Variants in APOBEC3H observed in about 807,000 individuals in gnomAD.
APOBEC3H encodes the protein DNA dC->dU-editing enzyme APOBEC-3H.
Under a neutral mutation model 21.2 loss-of-function variants are expected in APOBEC3H, and 8 were observed. That is an observed-to-expected ratio of 0.38 (90% CI 0.22 to 0.68). The LOEUF (loss-of-function observed/expected upper bound fraction) is 0.68. Among genes scored for constraint, APOBEC3H ranks in the 30% least tolerant of loss-of-function variants. The pLI is 0.52. For missense variants in APOBEC3H, 229 were observed against 228.1 expected, an observed-to-expected ratio of 1.00 and a Z score of -0.03; for synonymous variants, 88 against 91.0, an observed-to-expected ratio of 0.97 and a Z score of 0.19.
intron 1 of APOBEC3H, among the ~76,000 whole-genome samples, chr22:39,099,788 C>A (rs1200520217): frequency 6.6e-6 from 1 of 152,102 alleles, no homozygotes; most frequent in South Asian, 2.1e-4. Flanking sequence ...TCCTGCCAGC[C>A]CTTCCTTCCC....
At chr22:39,102,434 G>A (rs1030399184) in intron 4 of APOBEC3H, 16 of 713,578 alleles carry the variant, frequency 2.2e-5, no homozygotes, top group Admixed American at 4.0e-5. Context: ...ACAGGTGTGA[G>A]CCACCGTGCC....
At chr22:39,099,376 A>G (rs1192244606) in intron 1 of APOBEC3H, among the ~76,000 whole-genome samples, 1 of 152,220 alleles carries the variant, frequency 6.6e-6, no homozygotes, top group East Asian at 1.9e-4. Context: ...GTGCAGACAA[A>G]CTTGTCAAAC....
At chr22:39,100,166 C>G in intron 1 of APOBEC3H, 106 bp from the exon 2 acceptor site, 3 of 1,262,828 alleles carry the variant, frequency 2.4e-6, no homozygotes, top group South Asian at 2.8e-5. Context: ...GAGCGAGACT[C>G]TGTCTCAAAA....
At chr22:39,102,463 CT>C in intron 4 of APOBEC3H, 1 of 707,042 alleles carries the variant, frequency 1.4e-6, no homozygotes, top group Non-Finnish European at 2.6e-6. Flanking sequence ...CTACCTGTTT[CT>C]TTTTTGTGTT....
intron 2 of APOBEC3H, 70 bp from the exon 3 acceptor site, chr22:39,101,167 C>CCCCCCCCCCCCCCCCCCCCACA: frequency 9.5e-7 from 1 of 1,051,276 alleles, no homozygotes; most frequent in Non-Finnish European, 1.3e-6. Flanking sequence ...TCCCGGCCCC[C>CCCCCCCCCCCCCCCCCCCCACA]GCCCCCAGTC....
intron 3 of APOBEC3H, 56 bp downstream of exon 3, chr22:39,101,560 G>A: frequency 6.7e-7 from 1 of 1,486,698 alleles, no homozygotes; most frequent in Non-Finnish European, 9.0e-7. Flanking sequence ...CACAGGCTTG[G>A]CAGGGGCTGG....
Position 39,101,499 on chromosome 22 carries a change from TC to T in APOBEC3H, c.416del (p.Pro139GlnfsTer25). 6.3e-7 allele frequency: 1 copy of T among 1,583,160 alleles called. No homozygotes were observed. Among genetic ancestry groups the T allele is most frequent in the Non-Finnish European group, 8.6e-7 (1 of 1,165,108 alleles). ...CAGGTCCCGGTGGAGGTCATGGGCTTCCCAGGTAGGAAAGAGGCTTTGCAGT... is the reference window on the plus strand; with the variant it reads ...CAGGTCCCGGTGGAGGTCATGGGCTTCCAGGTAGGAAAGAGGCTTTGCAGT... ...GSQVPVEVMGFPEFADCWENF... is the reference protein window; with the variant it reads ...GSQVPVEVMGXPEFADCWENF... On this transcript the variant is annotated frameshift_variant, in exon 3 of 5. Coordinates refer to ENST00000442487, the MANE Select transcript of APOBEC3H (RefSeq NM_181773.5). LOFTEE classifies it high-confidence loss of function.
Position 39,102,490 on chromosome 22 carries a change from G to A in APOBEC3H, c.543+448G>A, listed in dbSNP as rs1471075500. ...TTTTTGTGTTCTCCTCTCGCACCAGGGGCTCCTTCTTGTTCTTTTAGATTC... is the reference window on the plus strand; with the variant it reads ...TTTTTGTGTTCTCCTCTCGCACCAGAGGCTCCTTCTTGTTCTTTTAGATTC... On this transcript the variant is annotated intron_variant, in intron 4 of 4. Transcript: ENST00000442487. 4.2e-6 allele frequency: 3 copies of A among 717,992 alleles called. No homozygotes were observed. In the Admixed American group the frequency reaches 6.0e-5, roughly 14 times the overall value. The allele number at this position is 717,992 out of a possible 1,614,324, so 44.5% of individuals were successfully genotyped here.
At position 39,103,965 on chromosome 22, in the gene APOBEC3H, A is replaced by T. The variant is rs146568460; in HGVS notation, c.*268A>T. On this transcript the variant is annotated 3_prime_UTR_variant, in exon 5 of 5. Transcript: ENST00000442487. ...AATAATTTTATAATTGAAAAAATAA[A>T]GATAAAGTCTGTAAATCCAGCCGGG... 530 of 546,492 alleles carry T rather than the reference A, an allele frequency of 9.7e-4. 2 individuals are homozygous for T. Among genetic ancestry groups the T allele is most frequent in the African/African-American group, 9.1e-3 (480 of 52,932 alleles). 33.9% of individuals were successfully genotyped at this position (546,492 alleles called of 1,614,324 possible). A position where few individuals can be genotyped will look rare whatever the true frequency, so the allele number is the denominator to read the frequency against.
At chr22:39,103,001 C>A (rs139309) in intron 4 of APOBEC3H, among the ~76,000 whole-genome samples, 4 of 132,856 alleles carry the variant, frequency 3.0e-5, no homozygotes, top group East Asian at 2.5e-4. Flanking sequence ...ATTAACTCAA[C>A]ATGTGCTGAG....
At chr22:39,101,136 G>GACCCCCC in intron 2 of APOBEC3H, 101 bp from the exon 3 acceptor site, 2 of 378,522 alleles carry the variant, frequency 5.3e-6, no homozygotes, top group Non-Finnish European at 9.9e-6. Flanking sequence ...AGACCCCTCT[G>GACCCCCC]CCCCCCCATC....
intron 1 of APOBEC3H, among the ~76,000 whole-genome samples, chr22:39,099,229 G>C (rs538090520): frequency 3.2e-4 from 49 of 152,110 alleles, no homozygotes; most frequent in African/African-American, 1.1e-3. Context: ...CAAAAAAAAA[G>C]CAAAATCCAA....
rs761854928 is a variant in APOBEC3H at position 39,100,440 on chromosome 22, G to T, written c.150+12G>T. 1.2e-6 allele frequency: 2 copies of T among 1,611,550 alleles called. No homozygotes were observed. Among genetic ancestry groups the T allele is most frequent in the Non-Finnish European group, 1.7e-6 (2 of 1,178,452 alleles). Reference sequence around the variant, plus strand: ...ACTTTGAAAACAAGGTGCCACACGGGCTCTCTGGGCACAGGGCCGGCAGGG... The same window carrying T: ...ACTTTGAAAACAAGGTGCCACACGGTCTCTCTGGGCACAGGGCCGGCAGGG... On this transcript the variant is annotated intron_variant, in intron 2 of 4. Coordinates refer to ENST00000442487, the MANE Select transcript of APOBEC3H (RefSeq NM_181773.5).
At position 39,100,343 on chromosome 22, in the gene APOBEC3H, C is replaced by A. The variant is rs1456136252; in HGVS notation, c.65C>A (p.Pro22His). ...QFNNKRRLRR[P>H]YYPRKALLCY... ...AACAACAAGCGCCGCCTCAGAAGGC[C>A]TTACTACCCGAGGAAGGCCCTCTTG... Residue 22 changes from proline (P) to histidine (H), a missense_variant, in exon 2 of 5, where the codon CCT becomes CAT. Physicochemically the swap from Pro to His is moderately conservative, Grantham distance 77. Coordinates refer to ENST00000442487, the MANE Select transcript of APOBEC3H (RefSeq NM_181773.5). 2 of 1,614,074 alleles carry A rather than the reference C, an allele frequency of 1.2e-6. No homozygotes were observed. Among genetic ancestry groups the A allele is most frequent in the South Asian group, 2.2e-5 (2 of 91,070 alleles).
In APOBEC3H at chr22:39,101,517, C is replaced by T. The variant is rs765648481; in HGVS notation, c.418+13C>T. The T allele has an allele frequency of 2.0e-6, 3 of 1,491,152 alleles. No homozygotes were observed. The highest frequency in any genetic ancestry group is 2.7e-6 in the Non-Finnish European group (3 of 1,106,934). The allele number at this position is 1,491,152 out of a possible 1,614,324, so 92.4% of individuals were successfully genotyped here. On this transcript the variant is annotated intron_variant, in intron 3 of 4. Transcript: ENST00000442487. ...ATGGGCTTCCCAGGTAGGAAAGAGG[C>T]TTTGCAGTTATAAGAGTGCAAACCC...
At chr22:39,102,999 A>C (rs1929461753) in intron 4 of APOBEC3H, among the ~76,000 whole-genome samples, 1 of 133,662 alleles carries the variant, frequency 7.5e-6, no homozygotes. Flanking sequence ...AAATTAACTC[A>C]ACATGTGCTG....
intron 2 of APOBEC3H, 36 bp from the exon 3 acceptor site, chr22:39,101,201 C>T: frequency 1.5e-6 from 2 of 1,344,200 alleles, no homozygotes; most frequent in Non-Finnish European, 2.0e-6. Context: ...CCTCTCTCTT[C>T]TCCCCTCCCT....
At chr22:39,100,693 T>A (rs1381955918) in intron 2 of APOBEC3H, among the ~76,000 whole-genome samples, 1 of 152,022 alleles carries the variant, frequency 6.6e-6, no homozygotes, top group Non-Finnish European at 1.5e-5. Context: ...CCCCTCTCAT[T>A]TACTCATTCT....
intron 4 of APOBEC3H, among the ~76,000 whole-genome samples, chr22:39,103,447 A>G (rs1241476842): frequency 6.6e-6 from 1 of 152,266 alleles, no homozygotes; most frequent in Non-Finnish European, 1.5e-5. Flanking sequence ...CAACCAAAAC[A>G]GAAATTGACA....
Sources: allele counts gnomAD v4.1 joint callset (sites outside exome capture counted in the v4.1 genomes callset), GRCh38; gene constraint gnomAD v4.1.1; transcripts MANE v1.5; gene names NCBI Gene and HGNC (gene_info 2026-07-23, HGNC 2026-07-21).